The following GRSF1 variants were observed in gnomAD, a reference collection of about 807,000 sequenced individuals.
GRSF1 encodes the protein G-rich sequence factor 1.
A neutral mutation model predicts 51.1 loss-of-function variants in GRSF1; 50 were observed. That is an observed-to-expected ratio of 0.98 (90% CI 0.78 to 1.24). The LOEUF (loss-of-function observed/expected upper bound fraction) is 1.24, where lower values mean the gene tolerates loss of function less well. GRSF1 is among the 50% of genes most tolerant of loss of function. GRSF1 has a pLI of 0.00. For synonymous variants in GRSF1, 293 were observed against 253.3 expected, an observed-to-expected ratio of 1.16 and a Z score of -1.49; for missense variants, 700 against 639.7, an observed-to-expected ratio of 1.09 and a Z score of -1.02.
In GRSF1 at chr4:70,828,247, A is replaced by G. The variant is rs1309649992; in HGVS notation, c.951-211T>C. 2.0e-5 allele frequency among the ~76,000 whole-genome samples: 3 copies of G among 152,230 alleles called. No homozygotes were observed. In the South Asian group the frequency reaches 6.2e-4, roughly 32 times the overall value. ...GTCACTGATTTAAGTTTTTGCATCA[A>G]GGTAACACTTTTTCTTCACATACAT... On this transcript the variant is annotated intron_variant, in intron 5 of 9. Transcript: ENST00000254799.
At chr4:70,821,607 CA>C (rs756802771) in intron 9 of GRSF1, among the ~76,000 whole-genome samples, 2,121 of 63,566 alleles carry the variant, frequency 0.033, 35 homozygotes, top group African/African-American at 0.1. Context: ...CTCCGTCTCC[CA>C]AAAAAAAAAA....
Position 70,832,921 on chromosome 4 carries a change from C to T in GRSF1, c.670+197G>A, listed in dbSNP as rs560229751. On this transcript the variant is annotated intron_variant, in intron 3 of 9. Transcript: ENST00000254799. The stretch of plus-strand genomic sequence containing the variant: ...TGAAATCGCACCACTGCACTCCAGC[C>T]TGGGTGACAGAGTGAGATTCCATCC... 1.3e-4 allele frequency among the ~76,000 whole-genome samples: 20 copies of T among 152,302 alleles called. No homozygotes were observed. The South Asian group carries it at 4.1e-3, about 32-fold the overall frequency.
rs1029608082 is a variant in GRSF1 at position 70,839,500 on chromosome 4, C to T, written c.328G>A (p.Ala110Thr). 4 of 1,422,252 alleles carry T rather than the reference C, an allele frequency of 2.8e-6. No homozygotes were observed. In the South Asian group the frequency reaches 4.3e-5, roughly 15 times the overall value. 88.1% of individuals were successfully genotyped at this position (1,422,252 alleles called of 1,614,324 possible). A position where few individuals can be genotyped will look rare whatever the true frequency, so the allele number is the denominator to read the frequency against. The change falls in exon 1 of 10, where the codon GCC (alanine) becomes ACC (threonine). Residue 110 changes from alanine to threonine, a missense_variant. Transcript: ENST00000254799. ...SLLPQSLAAA[A>T]AVPTRSYSQE... ...CTGTAGCTGCGCGTCGGGACGGCGG[C>T]CGCCGCCGCCAGCGACTGCGGCAGC...
chr4:70,835,608 A>G (rs1035607520), intron 2 of GRSF1, among the ~76,000 whole-genome samples: 5 of 151,278 alleles, frequency 3.3e-5, no homozygotes, highest in African/African-American at 1.2e-4. Flanking sequence ...AAGCCTGGGT[A>G]ATTTTTGTAT....
intron 4 of GRSF1, among the ~76,000 whole-genome samples, chr4:70,832,045 A>T (rs557562596): frequency 2.9e-4 from 44 of 152,262 alleles, no homozygotes; most frequent in Non-Finnish European, 5.1e-4. Context: ...AAATACAGCA[A>T]CTATTATGAG....
upstream of GRSF1, among the ~76,000 whole-genome samples, chr4:70,843,082 T>C (rs994017175): frequency 2.6e-5 from 4 of 152,064 alleles, no homozygotes; most frequent in African/African-American, 9.7e-5. Flanking sequence ...AGTAAATAAA[T>C]AAATAAAATT....
intron 5 of GRSF1, among the ~76,000 whole-genome samples, chr4:70,828,469 C>T (rs1163803052): frequency 6.6e-6 from 1 of 152,184 alleles, no homozygotes; most frequent in Non-Finnish European, 1.5e-5. Context: ...GAAGAGCTAA[C>T]TTCCCCAGAA....
At chr4:70,839,914 G>C, upstream of GRSF1, 2 of 1,282,942 alleles carry the variant, frequency 1.6e-6, no homozygotes, top group East Asian at 3.1e-5. Flanking sequence ...GGTTGGGGGT[G>C]GGGTGTGCCT....
chr4:70,827,457 C>G (rs936114791), intron 6 of GRSF1, among the ~76,000 whole-genome samples: 2 of 152,020 alleles, frequency 1.3e-5, no homozygotes, highest in African/African-American at 2.4e-5. Context: ...AATAATTAAG[C>G]CTTTCTGCAT....
chr4:70,831,910 GTTTTT>G (rs5859242), intron 4 of GRSF1, among the ~76,000 whole-genome samples: 2 of 129,648 alleles, frequency 1.5e-5, no homozygotes, highest in African/African-American at 2.8e-5. Context: ...CTCCCCACCA[GTTTTT>G]TTTTTTTTTT....
intron 5 of GRSF1, among the ~76,000 whole-genome samples, chr4:70,829,759 T>C (rs1733883125): frequency 6.6e-6 from 1 of 152,112 alleles, no homozygotes; most frequent in Admixed American, 6.6e-5. Context: ...GAGCAGTGTT[T>C]GTGGCACTGC....
In GRSF1 at chr4:70,824,311, CT is replaced by C; in HGVS notation, c.*7del. On this transcript the variant is annotated 3_prime_UTR_variant, in exon 9 of 10. Transcript: ENST00000254799. ...AAATTTACCTTATTATCTGGAGCCC[CT>C]AGAGTCTTATTTTCCTTTTGGACAT... 7.1e-7 allele frequency: 1 copy of C among 1,399,552 alleles called. No homozygotes were observed. The highest frequency in any genetic ancestry group is 1.0e-6 in the Non-Finnish European group (1 of 997,406). 86.7% of individuals were successfully genotyped at this position (1,399,552 alleles called of 1,614,324 possible).
In GRSF1 at chr4:70,819,018, GCATT is replaced by G. The variant is rs771330286; in HGVS notation, c.*1865_*1868del. 53 of 152,218 alleles carry G rather than the reference GCATT, an allele frequency of 3.5e-4. No individual in the cohort carries two copies. The highest frequency in any genetic ancestry group is 1.2e-3 in the African/African-American group (49 of 41,546). 9.4% of individuals were successfully genotyped at this position (152,218 alleles called of 1,614,324 possible). A position where few individuals can be genotyped will look rare whatever the true frequency, so the allele number is the denominator to read the frequency against. On this transcript the variant is annotated 3_prime_UTR_variant, in exon 10 of 10. Coordinates refer to ENST00000254799, the MANE Select transcript of GRSF1 (RefSeq NM_002092.4). ...AGATCATGAACAAAAACAAAAGGGA[GCATT>G]CAAATACATAAAATGATTTCCCAAT...
Position 70,832,435 on chromosome 4 carries a change from T to C in GRSF1, c.686A>G (p.Asn229Ser), listed in dbSNP as rs761706860. 5.6e-6 allele frequency: 9 copies of C among 1,605,912 alleles called. No individual in the cohort carries two copies. The highest frequency in any genetic ancestry group is 4.4e-5 in the South Asian group (4 of 90,880). The stretch of plus-strand genomic sequence containing the variant: ...CTTCATTAAGGCATCCACATCTTCA[T>C]TGTTTATCTCATATACTACGAAGAA... ...QRYVEVYEIN[N>S]EDVDALMKSL... is the part of the protein sequence containing the mutation. The change falls in exon 4 of 10, where the codon AAT becomes AGT. Residue 229 changes from asparagine (N) to serine (S), a missense_variant. Asn to Ser is a conservative substitution (Grantham distance 46). Coordinates refer to ENST00000254799, the MANE Select transcript of GRSF1 (RefSeq NM_002092.4).
At chr4:70,835,404 T>A (rs1734159988) in intron 2 of GRSF1, among the ~76,000 whole-genome samples, 1 of 140,434 alleles carries the variant, frequency 7.1e-6, no homozygotes. Context: ...CACTCCAGCC[T>A]GGCGACAGAG....
intron 1 of GRSF1, among the ~76,000 whole-genome samples, chr4:70,837,377 A>G (rs1578310100): frequency 6.6e-6 from 1 of 151,982 alleles, no homozygotes; most frequent in East Asian, 2.0e-4. Flanking sequence ...AGCCTGGCCA[A>G]CATGGCAAAA....
chr4:70,837,993 AG>A (rs1380047550), intron 1 of GRSF1, among the ~76,000 whole-genome samples: 2 of 151,818 alleles, frequency 1.3e-5, no homozygotes, highest in African/African-American at 4.8e-5. Context: ...GCACTTTGGG[AG>A]GCAGAGGCGG....
intron 5 of GRSF1, among the ~76,000 whole-genome samples, chr4:70,831,031 G>C (rs1450308800): frequency 6.6e-6 from 1 of 152,116 alleles, no homozygotes; most frequent in East Asian, 1.9e-4. Flanking sequence ...AGCTGCTCTA[G>C]GTACTCTGTC....
chr4:70,821,915 A>G (rs1367156306), intron 9 of GRSF1, among the ~76,000 whole-genome samples: 1 of 152,100 alleles, frequency 6.6e-6, no homozygotes, highest in Non-Finnish European at 1.5e-5. Flanking sequence ...ACCTCAGGTG[A>G]TCTGCCTGCC....
Sources: allele counts gnomAD v4.1 joint callset (sites outside exome capture counted in the v4.1 genomes callset), GRCh38; gene constraint gnomAD v4.1.1; transcripts MANE v1.5; gene names NCBI Gene and HGNC (gene_info 2026-07-23, HGNC 2026-07-21).